RASSF3: variants seen among roughly 807,000 people sequenced by gnomAD.
RASSF3 encodes Ras association domain family member 3.
RASSF3 carries 19 observed loss-of-function variants against 19.9 expected under a neutral mutation model. That is an observed-to-expected ratio of 0.96 (90% CI 0.67 to 1.40). The LOEUF (loss-of-function observed/expected upper bound fraction) is 1.40, where lower values mean the gene tolerates loss of function less well. Ranked by LOEUF, RASSF3 falls within the 40% of genes most tolerant of loss-of-function variation. RASSF3 has a pLI of 0.00. For synonymous variants in RASSF3, 110 were observed against 104.2 expected, an observed-to-expected ratio of 1.06 and a Z score of -0.34; for missense variants, 306 against 289.8, an observed-to-expected ratio of 1.06 and a Z score of -0.41.
At chr12:64,673,645 A>G (rs1872778041) in intron 1 of RASSF3, among the ~76,000 whole-genome samples, 1 of 152,154 alleles carries the variant, frequency 6.6e-6, no homozygotes, top group Admixed American at 6.5e-5. Flanking sequence ...CTAATTGTCA[A>G]AGCTGATTAG....
intron 1 of RASSF3, among the ~76,000 whole-genome samples, chr12:64,660,415 G>A (rs1872314825): frequency 6.6e-6 from 1 of 152,084 alleles, no homozygotes; most frequent in Non-Finnish European, 1.5e-5. Flanking sequence ...CTGTCTCATT[G>A]TATGTAAGGG....
chr12:64,586,661 G>A (rs949061407), intron 2 of RASSF3, among the ~76,000 whole-genome samples: 7 of 151,970 alleles, frequency 4.6e-5, no homozygotes, highest in African/African-American at 7.3e-5. Flanking sequence ...TATGGCTCAC[G>A]CCTGTAATCC....
downstream of RASSF3, among the ~76,000 whole-genome samples, chr12:64,543,437 CCCCCGTGCCCGCCCG>C (rs1868983188): frequency 8.6e-5 from 4 of 46,582 alleles, no homozygotes; most frequent in African/African-American, 2.9e-4. Flanking sequence ...CCGCCCGCCC[CCCCCGTGCCCGCCCG>C]CCCCCCGCTC....
chr12:64,556,834 CTTTTTTTTTTTT>C (rs5798747), intron 2 of RASSF3, among the ~76,000 whole-genome samples: 1 of 114,406 alleles, frequency 8.7e-6, no homozygotes, highest in Non-Finnish European at 1.8e-5. Flanking sequence ...CCCCCTACCC[CTTTTTTTTTTTT>C]TTTTTTTTTG....
intron 1 of RASSF3, among the ~76,000 whole-genome samples, chr12:64,516,998 CAAAAAAAA>C (rs371430838): frequency 3.8e-5 from 2 of 51,974 alleles, no homozygotes; most frequent in East Asian, 6.1e-4. Context: ...AAATCTGTCT[CAAAAAAAA>C]AAAAAAAAAA....
intron 1 of RASSF3, among the ~76,000 whole-genome samples, chr12:64,645,227 T>C (rs997192891): frequency 1.3e-5 from 2 of 152,228 alleles, no homozygotes; most frequent in Admixed American, 6.5e-5. Flanking sequence ...GTAATGAATA[T>C]GTATTGTATT....
At chr12:64,610,247 G>C (rs1484247390), upstream of RASSF3, among the ~76,000 whole-genome samples, 2 of 152,098 alleles carry the variant, frequency 1.3e-5, no homozygotes, top group African/African-American at 4.8e-5. Flanking sequence ...CACAGCCCCA[G>C]CAGACGCAGC....
chr12:64,514,911 T>A (rs1018361552), intron 1 of RASSF3, among the ~76,000 whole-genome samples: 2 of 152,114 alleles, frequency 1.3e-5, no homozygotes, highest in African/African-American at 2.4e-5. Flanking sequence ...TAATTTGTAC[T>A]ACCTTGTTAG....
intron 1 of RASSF3, among the ~76,000 whole-genome samples, chr12:64,623,111 G>A (rs1870849368): frequency 6.6e-6 from 1 of 151,996 alleles, no homozygotes; most frequent in Non-Finnish European, 1.5e-5. Context: ...ATGAGCCACC[G>A]CGCCCGGCCA....
intron 1 of RASSF3, among the ~76,000 whole-genome samples, chr12:64,516,293 G>C (rs2136100417): frequency 6.6e-6 from 1 of 152,268 alleles, no homozygotes; most frequent in East Asian, 1.9e-4. Flanking sequence ...CAAAAACCCA[G>C]TGGGATATAA....
chr12:64,565,903 G>C (rs1869422957), intron 2 of RASSF3, among the ~76,000 whole-genome samples: 1 of 148,440 alleles, frequency 6.7e-6, no homozygotes, highest in South Asian at 2.1e-4. Context: ...AAAAAAAAAG[G>C]ATAGAAGAGT....
intron 2 of RASSF3, among the ~76,000 whole-genome samples, chr12:64,547,511 G>A (rs1869087156): frequency 6.6e-6 from 1 of 152,080 alleles, no homozygotes; most frequent in African/African-American, 2.4e-5. Flanking sequence ...AGGTTGCAGT[G>A]AGCGGAGATC....
At chr12:64,556,172 G>C (rs539261640) in intron 2 of RASSF3, among the ~76,000 whole-genome samples, 166 of 152,240 alleles carry the variant, frequency 1.1e-3, no homozygotes, top group African/African-American at 3.9e-3. Flanking sequence ...GACCTTGAGT[G>C]GGGAGTGGAA....
intron 1 of RASSF3, among the ~76,000 whole-genome samples, chr12:64,612,253 C>G (rs1870394630): frequency 6.6e-6 from 1 of 151,982 alleles, no homozygotes; most frequent in Non-Finnish European, 1.5e-5. Flanking sequence ...TTTCTCCTTT[C>G]ATTTATGTTG....
intron 2 of RASSF3, among the ~76,000 whole-genome samples, chr12:64,604,378 A>G (rs1464441493): frequency 6.6e-6 from 1 of 152,128 alleles, no homozygotes; most frequent in African/African-American, 2.4e-5. Flanking sequence ...TGCCTGCCTC[A>G]GCCTCTCCAA....
intron 1 of RASSF3, among the ~76,000 whole-genome samples, chr12:64,613,939 C>A (rs1360461470): frequency 6.6e-6 from 1 of 152,036 alleles, no homozygotes; most frequent in Admixed American, 6.6e-5. Context: ...CAGAGCGAGA[C>A]CCTGTCTCAA....
At chr12:64,669,396 CT>C (rs777024641) in intron 1 of RASSF3, among the ~76,000 whole-genome samples, 1 of 151,980 alleles carries the variant, frequency 6.6e-6, no homozygotes, top group Admixed American at 6.6e-5. Flanking sequence ...ACAGTTCCCC[CT>C]GTCACACGTG....
At chr12:64,579,295 GT>G (rs1869647349) in intron 2 of RASSF3, among the ~76,000 whole-genome samples, 1 of 147,864 alleles carries the variant, frequency 6.8e-6, no homozygotes, top group East Asian at 2.0e-4. Flanking sequence ...ATAATTAAGT[GT>G]TTTAATATCT....
intron 1 of RASSF3, among the ~76,000 whole-genome samples, chr12:64,640,218 T>A (rs889927921): frequency 2.0e-5 from 3 of 152,130 alleles, no homozygotes; most frequent in Non-Finnish European, 4.4e-5. Context: ...GTTTGATGAG[T>A]TTGGACATAT....
Sources: gnomAD v4.1 joint callset for allele counts (sites outside exome capture counted in the v4.1 genomes callset) on GRCh38, gnomAD v4.1.1 for gene constraint, MANE v1.5 for transcripts, NCBI Gene and HGNC (gene_info 2026-07-23, HGNC 2026-07-21) for gene names.